The following CDK12 variants were observed in gnomAD, a reference collection of about 807,000 sequenced individuals.
CDK12 encodes the protein cyclin dependent kinase 12.
A neutral mutation model predicts 133.8 loss-of-function variants in CDK12; 17 were observed. That is an observed-to-expected ratio of 0.13 (90% CI 0.09 to 0.19). The LOEUF (loss-of-function observed/expected upper bound fraction) is 0.19. CDK12 is among the 10% of genes least tolerant of loss of function. The pLI is 1.00. For synonymous variants in CDK12, 694 were observed against 683.6 expected, an observed-to-expected ratio of 1.02 and a Z score of -0.24; for missense variants, 1,508 against 1,818.7, an observed-to-expected ratio of 0.83 and a Z score of 3.11.
At chr17:39,554,691 C>T (rs2056082929) in intron 2 of CDK12, among the ~76,000 whole-genome samples, 1 of 151,306 alleles carries the variant, frequency 6.6e-6, no homozygotes. Flanking sequence ...CCCTCCTGAC[C>T]AACATGGTGA....
At chr17:39,472,837 A>G (rs538559452) in intron 2 of CDK12, among the ~76,000 whole-genome samples, 1 of 152,138 alleles carries the variant, frequency 6.6e-6, no homozygotes, top group South Asian at 2.1e-4. Context: ...GCACTTTGGG[A>G]GGCCAAGGCG....
At chr17:39,474,042 G>A (rs1337520486) in intron 2 of CDK12, among the ~76,000 whole-genome samples, 1 of 152,146 alleles carries the variant, frequency 6.6e-6, no homozygotes, top group South Asian at 2.1e-4. Flanking sequence ...GGGTGACAGA[G>A]CGAAACTTTG....
At chr17:39,487,607 A>ATTTTT (rs887590343) in intron 2 of CDK12, among the ~76,000 whole-genome samples, 3 of 96,364 alleles carry the variant, frequency 3.1e-5, no homozygotes, top group Non-Finnish European at 6.1e-5. Flanking sequence ...GCATGACACA[A>ATTTTT]TTTTTTTTTT....
chr17:39,541,302 G>A (rs898729704), intron 1 of CDK12, among the ~76,000 whole-genome samples: 3 of 151,934 alleles, frequency 2.0e-5, no homozygotes, highest in African/African-American at 7.3e-5. Context: ...CAAAATTCAG[G>A]GTTAGAGTTA....
At chr17:39,504,467 G>A (rs2052949530) in intron 6 of CDK12, among the ~76,000 whole-genome samples, 1 of 152,172 alleles carries the variant, frequency 6.6e-6, no homozygotes, top group Non-Finnish European at 1.5e-5. Flanking sequence ...AAATTAAAAG[G>A]TCAGTAGTGA....
intron 3 of CDK12, among the ~76,000 whole-genome samples, chr17:39,561,141 A>G (rs1293793597): frequency 6.6e-6 from 1 of 152,230 alleles, no homozygotes; most frequent in African/African-American, 2.4e-5. Flanking sequence ...CAGACACCTG[A>G]GACCTGGAAT....
At chr17:39,497,188 T>C (rs1567733398) in intron 5 of CDK12, among the ~76,000 whole-genome samples, 1 of 152,124 alleles carries the variant, frequency 6.6e-6, no homozygotes, top group Admixed American at 6.6e-5. Flanking sequence ...CACCTCGGCC[T>C]CCCAAAGTGC....
intron 2 of CDK12, among the ~76,000 whole-genome samples, chr17:39,476,711 C>CATTTTTTTTTT (rs1555553398): frequency 0.14 from 12,221 of 84,502 alleles, 4,626 homozygotes; most frequent in South Asian, 0.18. Context: ...CCATGCCTGC[C>CATTTTTTTTTT]TTTTTTTTTT....
intron 7 of CDK12, among the ~76,000 whole-genome samples, chr17:39,510,597 TC>T (rs2146347504): frequency 3.4e-5 from 1 of 29,068 alleles, no homozygotes; most frequent in East Asian, 2.0e-3. Flanking sequence ...TTTTTTTCTC[TC>T]TTCTCTTCTC....
intron 6 of CDK12, among the ~76,000 whole-genome samples, chr17:39,506,212 A>ATTTTT (rs1177367409): frequency 8.4e-5 from 10 of 119,756 alleles, no homozygotes; most frequent in African/African-American, 1.4e-4. Context: ...TGATTATATG[A>ATTTTT]TTTTTTTTTT....
rs549582316 is a variant in CDK12 at position 39,480,992 on chromosome 17, G to A, written c.1931+9229G>A. ...TAACCAGCCGGGAGTGGTGGATCAC[G>A]CCTGTAATCCCAGCACTTTGGGAGG... On this transcript the variant is annotated intron_variant, in intron 2 of 13. Coordinates refer to ENST00000447079, the MANE Select transcript of CDK12 (RefSeq NM_016507.4). 2.0e-5 allele frequency among the ~76,000 whole-genome samples: 3 copies of A among 152,038 alleles called. No homozygotes were observed. The East Asian group carries it at 5.8e-4, about 30-fold the overall frequency.
chr17:39,535,767 C>T (rs1333445593), downstream of CDK12, among the ~76,000 whole-genome samples: 1 of 152,162 alleles, frequency 6.6e-6, no homozygotes, highest in East Asian at 1.9e-4. Context: ...ACAGTTAATG[C>T]TCTTGGTGCT....
intron 8 of CDK12, 67 bp downstream of exon 8, chr17:39,511,697 C>G: frequency 1.0e-6 from 1 of 996,754 alleles, no homozygotes; most frequent in Non-Finnish European, 1.5e-6. Flanking sequence ...TTTGTTTTCT[C>G]TGTACACTGG....
chr17:39,515,069 C>T (rs11078911), intron 8 of CDK12, among the ~76,000 whole-genome samples: 92,315 of 151,992 alleles, frequency 0.61, 31,673 homozygotes, highest in South Asian at 0.88. Context: ...AAAAATTAGC[C>T]GGGTGTGGTG....
intron 6 of CDK12, among the ~76,000 whole-genome samples, chr17:39,507,414 C>A (rs2053206618): frequency 6.6e-6 from 1 of 151,398 alleles, no homozygotes; most frequent in Admixed American, 6.6e-5. Context: ...TGGAGAAACC[C>A]CATCTCTACT....
At chr17:39,556,324 G>C (rs970557053) in exon 3 of CDK12, 3 of 152,312 alleles carry the variant, frequency 2.0e-5, no homozygotes, top group African/African-American at 7.3e-5. Flanking sequence ...TTCCAGCCTC[G>C]GTCACCACCC....
At position 39,531,904 on chromosome 17, in the gene CDK12, CTT is replaced by C. The variant is rs1175726140; in HGVS notation, c.*592_*593del. 8 of 233,704 alleles carry C rather than the reference CTT, an allele frequency of 3.4e-5. No homozygotes were observed. Among genetic ancestry groups the C allele is most frequent in the Admixed American group, 2.8e-4 (5 of 17,766 alleles). 14.5% of individuals were successfully genotyped at this position (233,704 alleles called of 1,614,324 possible). ...CTCACATTTTGCTTTTAAGTGAACACTTTTTCCCCATTGAGCATCTTGAACAT... is the reference window on the plus strand; with the variant it reads ...CTCACATTTTGCTTTTAAGTGAACACTTTCCCCATTGAGCATCTTGAACAT... On this transcript the variant is annotated 3_prime_UTR_variant, in exon 14 of 14. Coordinates refer to ENST00000447079, the MANE Select transcript of CDK12 (RefSeq NM_016507.4).
In CDK12 at chr17:39,541,604, A is replaced by ATCAGCCCGCG. The variant is rs56299209; in HGVS notation, c.451-2639_451-2638insCGCGTCAGCC. Reference sequence around the variant, plus strand: ...ATGATCTCGATCTCCAGACCTCGTGATCAGCCTCCCAAAGTGCTGGGATTA... The same window carrying ATCAGCCCGCG: ...ATGATCTCGATCTCCAGACCTCGTGATCAGCCCGCGTCAGCCTCCCAAAGTGCTGGGATTA... On this transcript the variant is annotated intron_variant and NMD_transcript_variant, in intron 1 of 4. Coordinates refer to the CDK12 transcript ENST00000559663. Among the ~76,000 whole-genome samples the ATCAGCCCGCG allele has an allele frequency of 9.3e-3, 1,407 of 151,632 alleles. 19 individuals carry two copies. Among genetic ancestry groups the ATCAGCCCGCG allele is most frequent in the African/African-American group, 0.032 (1,330 of 41,412 alleles).
chr17:39,544,322 C>G, upstream of CDK12: 1 of 489,914 alleles, frequency 2.0e-6, no homozygotes, highest in South Asian at 1.5e-5. Context: ...CAGAGCCTGG[C>G]AAATTCAGTC....
Sources: allele counts gnomAD v4.1 joint callset (sites outside exome capture counted in the v4.1 genomes callset), GRCh38; gene constraint gnomAD v4.1.1; transcripts MANE v1.5; gene names NCBI Gene and HGNC (gene_info 2026-07-23, HGNC 2026-07-21).